DCTD: variants seen among roughly 807,000 people sequenced by gnomAD.
The protein encoded by DCTD is deoxycytidylate deaminase.
A neutral mutation model predicts 21.0 loss-of-function variants in DCTD; 23 were observed. The observed-to-expected ratio is 1.09, with a 90% CI of 0.79 to 1.55. The LOEUF (loss-of-function observed/expected upper bound fraction) is 1.55, where lower values mean the gene tolerates loss of function less well. Ranked by LOEUF, DCTD falls within the 40% of genes most tolerant of loss-of-function variation. The pLI is 0.00. For missense variants in DCTD, 224 were observed against 230.0 expected, an observed-to-expected ratio of 0.97 and a Z score of 0.17; for synonymous variants, 71 against 81.1, an observed-to-expected ratio of 0.88 and a Z score of 0.67.
intron 3 of DCTD, among the ~76,000 whole-genome samples, chr4:182,906,192 TC>T (rs1736685367): frequency 6.6e-6 from 1 of 152,124 alleles, no homozygotes; most frequent in Non-Finnish European, 1.5e-5. Context: ...ATTTGTAGCT[TC>T]TAAACATCAG....
intron 3 of DCTD, among the ~76,000 whole-genome samples, chr4:182,903,751 A>G (rs1420239043): frequency 6.6e-6 from 1 of 152,016 alleles, no homozygotes; most frequent in Non-Finnish European, 1.5e-5. Context: ...CTCCTGCAAC[A>G]ATGCACTCAG....
chr4:182,916,203 T>TC (rs1487362280), intron 1 of DCTD: 1 of 193,482 alleles, frequency 5.2e-6, no homozygotes, highest in Non-Finnish European at 9.4e-6. Flanking sequence ...AGTTATCAAC[T>TC]CCGAGTAATG....
intron 3 of DCTD, among the ~76,000 whole-genome samples, chr4:182,897,350 T>C (rs1734916943): frequency 6.7e-6 from 1 of 150,086 alleles, no homozygotes; most frequent in African/African-American, 2.4e-5. Context: ...ATATCATATC[T>C]GAATATTAAT....
chr4:182,917,378 T>TCGGGGGAGGAGG lies in DCTD; in HGVS notation c.-76_-75insCCTCCTCCCCCG, dbSNP rs1263848298. On this transcript the variant is annotated 5_prime_UTR_variant, in exon 1 of 6. Coordinates refer to ENST00000438320, the MANE Select transcript of DCTD (RefSeq NM_001921.3). The surrounding 1 kb of genome is among the most constrained non-coding windows in gnomAD (Gnocchi z 4.9). Reference sequence around the variant, plus strand: ...CCGCCGCCGTGCTCAGGGAAGGAAGTCGGGGGAGGAGGCGGGGCCGCCGCG... The same window carrying TCGGGGGAGGAGG: ...CCGCCGCCGTGCTCAGGGAAGGAAGTCGGGGGAGGAGGCGGGGGAGGAGGCGGGGCCGCCGCG... The TCGGGGGAGGAGG allele has an allele frequency of 1.9e-6, 2 of 1,069,574 alleles. No homozygotes were observed. Among genetic ancestry groups the TCGGGGGAGGAGG allele is most frequent in the Admixed American group, 5.4e-5 (1 of 18,400 alleles). 66.3% of individuals were successfully genotyped at this position (1,069,574 alleles called of 1,614,324 possible). A position where few individuals can be genotyped will look rare whatever the true frequency, so the allele number is the denominator to read the frequency against.
chr4:182,915,417 T>C (rs1476618387), intron 2 of DCTD, 44 bp downstream of exon 2: 2 of 1,281,678 alleles, frequency 1.6e-6, no homozygotes, highest in African/African-American at 1.5e-5. Context: ...CAGTAATCTC[T>C]TTGCCTGTGA....
intron 5 of DCTD, among the ~76,000 whole-genome samples, 186 bp from the exon 6 acceptor site, chr4:182,891,663 CA>C (rs928740602): frequency 1.2e-4 from 18 of 152,092 alleles, no homozygotes; most frequent in African/African-American, 3.9e-4. Flanking sequence ...AAGACTAAGA[CA>C]AAAAAAGATG....
chr4:182,893,004 C>T (rs370721466), intron 5 of DCTD, 27 bp downstream of exon 5: 32 of 1,422,524 alleles, frequency 2.2e-5, no homozygotes, highest in Non-Finnish European at 3.0e-5. Context: ...CCTACCCCGT[C>T]CCCCCGCCCG....
In DCTD at chr4:182,917,370, G is replaced by T. The variant is rs1476630148; in HGVS notation, c.-67C>A. On this transcript the variant is annotated 5_prime_UTR_variant, in exon 1 of 6. Coordinates refer to ENST00000438320, the MANE Select transcript of DCTD (RefSeq NM_001921.3). This position sits in a 1 kb window ranked among gnomAD's most constrained non-coding sequence, Gnocchi z 4.9. ...CGTCCCCGCCGCCGCCGTGCTCAGG[G>T]AAGGAAGTCGGGGGAGGAGGCGGGG... 11 of 1,090,780 alleles carry T rather than the reference G, an allele frequency of 1.0e-5. No homozygotes were observed. In the South Asian group the frequency reaches 3.5e-4, roughly 35 times the overall value. The allele number at this position is 1,090,780 out of a possible 1,614,324, so 67.6% of individuals were successfully genotyped here.
chr4:182,893,945 G>C (rs1330238628), intron 4 of DCTD, among the ~76,000 whole-genome samples: 1 of 152,352 alleles, frequency 6.6e-6, no homozygotes, highest in African/African-American at 2.4e-5. Context: ...CTGAATCTTA[G>C]ATGTGACAGT....
At chr4:182,916,253 C>T (rs1309650313) in intron 1 of DCTD, 1 of 358,000 alleles carries the variant, frequency 2.8e-6, no homozygotes, top group African/African-American at 2.2e-5. Context: ...TCAAGTGCTA[C>T]TCCTAAAGCA....
At chr4:182,912,803 G>T (rs888198961) in intron 3 of DCTD, among the ~76,000 whole-genome samples, 1 of 152,266 alleles carries the variant, frequency 6.6e-6, no homozygotes, top group South Asian at 2.1e-4. Context: ...TCTGCTGGGG[G>T]CTCTGGGTGA....
At chr4:182,916,951 C>T in intron 1 of DCTD, 1 of 996,352 alleles carries the variant, frequency 1.0e-6, no homozygotes, top group Non-Finnish European at 1.2e-6. Context: ...GCTCGCAACC[C>T]CGTCAGCTCT....
At chr4:182,911,565 G>A (rs1472709379) in intron 3 of DCTD, 1 of 152,162 alleles carries the variant, frequency 6.6e-6, no homozygotes, top group African/African-American at 2.4e-5. Context: ...GTGCCCCACA[G>A]GAGAGACACA....
chr4:182,898,154 G>C (rs1325547847), intron 3 of DCTD, among the ~76,000 whole-genome samples: 1 of 152,200 alleles, frequency 6.6e-6, no homozygotes, highest in Non-Finnish European at 1.5e-5. Flanking sequence ...TCAAATAACA[G>C]GCACCTGCCA....
At chr4:182,899,391 T>A (rs1735303056) in intron 3 of DCTD, among the ~76,000 whole-genome samples, 1 of 136,094 alleles carries the variant, frequency 7.3e-6, no homozygotes, top group African/African-American at 2.8e-5. Flanking sequence ...GTCACTGCCC[T>A]TTTTTTTCTT....
intron 3 of DCTD, among the ~76,000 whole-genome samples, chr4:182,899,399 C>CTTTTTTTT: frequency 6.9e-6 from 1 of 144,326 alleles, no homozygotes; most frequent in Non-Finnish European, 1.5e-5. Flanking sequence ...CCTTTTTTTT[C>CTTTTTTTT]TTTTTCTTTT....
chr4:182,893,334 T>C (rs1734152913), intron 4 of DCTD, among the ~76,000 whole-genome samples: 2 of 152,168 alleles, frequency 1.3e-5, no homozygotes, highest in African/African-American at 4.8e-5. Context: ...CTCCAGTCTT[T>C]ATGGATTTTT....
chr4:182,897,305 TATGA>T (rs1734909731), intron 3 of DCTD, among the ~76,000 whole-genome samples: 1 of 149,986 alleles, frequency 6.7e-6, no homozygotes, highest in Non-Finnish European at 1.5e-5. Context: ...AATATATATA[TATGA>T]ATATTAATAT....
intron 3 of DCTD, among the ~76,000 whole-genome samples, chr4:182,903,150 T>C (rs938330441): frequency 1.3e-5 from 2 of 152,054 alleles, no homozygotes; most frequent in African/African-American, 4.8e-5. Flanking sequence ...CTGTGTGAAC[T>C]CCAAAGAACT....
Sources: allele counts gnomAD v4.1 joint callset (sites outside exome capture counted in the v4.1 genomes callset), GRCh38; gene constraint gnomAD v4.1.1; non-coding constraint Gnocchi (gnomAD v3.1); transcripts MANE v1.5; gene names NCBI Gene and HGNC (gene_info 2026-07-23, HGNC 2026-07-21).